The following GSE1 variants were observed in gnomAD, a reference collection of about 807,000 sequenced individuals.
GSE1 encodes genetic suppressor element 1.
GSE1 carries 32 observed loss-of-function variants against 112.6 expected under a neutral mutation model. That is an observed-to-expected ratio of 0.28 (90% CI 0.21 to 0.38). The LOEUF is 0.38. GSE1 is among the 10% of genes least tolerant of loss of function. GSE1 has a pLI of 1.00. For missense variants in GSE1, 2,348 were observed against 1,699.2 expected (o/e 1.38, Z -6.71); for synonymous variants, 1,115 against 735.6 (o/e 1.52, Z -8.35).
intron 2 of GSE1, among the ~76,000 whole-genome samples, chr16:85,370,616 TC>T (rs2047275930): frequency 4.0e-4 from 2 of 4,962 alleles, no homozygotes. Context: ...TCCCTCCTTC[TC>T]TCCCTCCCTC....
intron 1 of GSE1, among the ~76,000 whole-genome samples, chr16:85,192,936 C>G (rs915771989): frequency 5.3e-5 from 8 of 152,216 alleles, no homozygotes; most frequent in African/African-American, 1.9e-4. Flanking sequence ...GTTCTGCTGG[C>G]TGTGTGCCTG....
chr16:85,458,595 G>C (rs1202447295), intron 2 of GSE1, among the ~76,000 whole-genome samples: 1 of 152,230 alleles, frequency 6.6e-6, no homozygotes, highest in Non-Finnish European at 1.5e-5. Context: ...ACTGGCCAGT[G>C]GCAGGGGCTT....
rs1384758080 is a variant in GSE1 at position 85,357,742 on chromosome 16, G to A, written c.2464+99G>A. 3.3e-5 allele frequency: 24 copies of A among 723,302 alleles called. No individual in the cohort carries two copies. In the East Asian group the frequency reaches 4.2e-4, roughly 13 times the overall value. The allele number at this position is 723,302 out of a possible 1,614,324, so 44.8% of individuals were successfully genotyped here. ...CAGAGCCGAGTTCAGATACAGTTCCGCCTTGTGTCCTCGGCATCCTAGGGG... is the reference window on the plus strand; with the variant it reads ...CAGAGCCGAGTTCAGATACAGTTCCACCTTGTGTCCTCGGCATCCTAGGGG... On this transcript the variant is annotated intron_variant, in intron 2 of 2. Transcript: ENST00000637419.
chr16:85,410,362 G>A (rs1199984274), intron 2 of GSE1, among the ~76,000 whole-genome samples: 1 of 39,616 alleles, frequency 2.5e-5, no homozygotes, highest in Non-Finnish European at 4.4e-5. Context: ...TACACTCAGG[G>A]CCCCCCGGAT....
chr16:85,252,140 T>C (rs1343025006), intron 1 of GSE1, among the ~76,000 whole-genome samples: 2 of 152,198 alleles, frequency 1.3e-5, no homozygotes, highest in Non-Finnish European at 2.9e-5. Context: ...ATGACGGAGC[T>C]TCGTACTGAG....
chr16:85,480,443 T>G (rs1295885218), intron 2 of GSE1, among the ~76,000 whole-genome samples: 1 of 152,046 alleles, frequency 6.6e-6, no homozygotes, highest in East Asian at 1.9e-4. Flanking sequence ...CCTGGTGAGC[T>G]CTGCCGCCAC....
rs571532751 is a variant in GSE1 at position 85,358,129 on chromosome 16, A to T, written c.2464+486A>T. ...CCTCCCCCTCCCACTCCCGCCAGCC[A>T]CAGGCGTGCTGTGGACCACACCCCC... On this transcript the variant is annotated intron_variant, in intron 2 of 2. Transcript: ENST00000637419. Among the ~76,000 whole-genome samples, 5 of 152,180 alleles carry T rather than the reference A, an allele frequency of 3.3e-5. No homozygotes were observed. In the East Asian group the frequency reaches 7.8e-4, roughly 24 times the overall value.
At chr16:85,309,138 A>C (rs984658487) in intron 1 of GSE1, among the ~76,000 whole-genome samples, 1 of 151,760 alleles carries the variant, frequency 6.6e-6, no homozygotes, top group Middle Eastern at 3.2e-3. Flanking sequence ...CTCTCGACCC[A>C]GGCCGCCCAC....
chr16:85,661,585 C>T lies in GSE1; in HGVS notation c.2080C>T (p.Pro694Ser), dbSNP rs1404994077. Residue 694 changes from proline (P) to serine (S), a missense_variant, in exon 9 of 16, where the codon CCA (proline) becomes TCA (serine). By Grantham distance (74) the Pro-to-Ser change is moderately conservative (BLOSUM62 -1). Coordinates refer to ENST00000253458, the MANE Select transcript of GSE1 (RefSeq NM_014615.5). ...TILGQQRASL[P>S]QAATFGELSG... ...CCTGGGCCAGCAGCGGGCCTCCCTC[C>T]CACAGGCGGCCACCTTCGGGGAGCT... 4 of 1,609,914 alleles carry T rather than the reference C, an allele frequency of 2.5e-6. No individual in the cohort carries two copies. The highest frequency in any genetic ancestry group is 2.2e-5 in the East Asian group (1 of 44,788).
chr16:85,325,196 T>C (rs1364040897), intron 1 of GSE1, among the ~76,000 whole-genome samples: 1 of 152,054 alleles, frequency 6.6e-6, no homozygotes, highest in Non-Finnish European at 1.5e-5. Context: ...CTCGAACTGC[T>C]AGCCCCAAGT....
chr16:85,425,467 G>A (rs915973418), intron 2 of GSE1, among the ~76,000 whole-genome samples: 2 of 152,176 alleles, frequency 1.3e-5, no homozygotes, highest in Non-Finnish European at 2.9e-5. Context: ...AAGGGAAGTC[G>A]CCCGTGATGC....
chr16:85,228,691 C>A (rs773501390), intron 1 of GSE1, among the ~76,000 whole-genome samples: 1 of 152,288 alleles, frequency 6.6e-6, no homozygotes, highest in East Asian at 1.9e-4. Context: ...GGGTCACAGG[C>A]ACAGACGGGC....
intron 6 of GSE1, 29 bp downstream of exon 6, chr16:85,655,946 T>C (rs780820236): frequency 1.3e-6 from 2 of 1,565,080 alleles, no homozygotes; most frequent in East Asian, 2.2e-5. Context: ...GAGGAGCCCC[T>C]CTGCCCTCCC....
chr16:85,169,639 C>G, exon 1 of GSE1: 1 of 983,648 alleles, frequency 1.0e-6, no homozygotes, highest in Non-Finnish European at 1.2e-6. Flanking sequence ...CGGCATCGGG[C>G]GCGGCAAGGA....
rs78493238 is a variant in GSE1 at position 85,218,370 on chromosome 16, T to A, written c.2283+46563T>A. Among the ~76,000 whole-genome samples the A allele has an allele frequency of 1.4e-4, 22 of 152,272 alleles. No homozygotes were observed. In the East Asian group the frequency reaches 4.2e-3, roughly 29 times the overall value. On this transcript the variant is annotated intron_variant, in intron 1 of 2. Coordinates refer to the GSE1 transcript ENST00000637419. The stretch of plus-strand genomic sequence containing the variant: ...ACCTTCCTGAGTCTTCATGGCCTCA[T>A]CTCTAGAACACAGTGCATATTCTCA...
chr16:85,388,743 G>A (rs557885525), intron 2 of GSE1, among the ~76,000 whole-genome samples: 19 of 152,262 alleles, frequency 1.2e-4, no homozygotes, highest in African/African-American at 4.6e-4. Context: ...TGGAAGGAAG[G>A]AAGGAAAGAT....
chr16:85,671,333 G>T (rs953957057), intron 15 of GSE1, among the ~76,000 whole-genome samples: 1 of 150,836 alleles, frequency 6.6e-6, no homozygotes, highest in Non-Finnish European at 1.5e-5. Context: ...CCAGCTACTT[G>T]GGAGGCTGAG....
At chr16:85,555,914 T>A, upstream of GSE1, 3 of 936,626 alleles carry the variant, frequency 3.2e-6, no homozygotes, top group Non-Finnish European at 3.8e-6. Context: ...TTTCTCTCGC[T>A]CCTCTTCCCC....
intron 1 of GSE1, chr16:85,583,622 C>T (rs1200695069): frequency 6.6e-6 from 1 of 152,180 alleles, no homozygotes; most frequent in Non-Finnish European, 1.5e-5. Context: ...CTGTGCTCTC[C>T]CAGCATGCCA....
Sources: gnomAD v4.1 joint callset for allele counts (sites outside exome capture counted in the v4.1 genomes callset) on GRCh38, gnomAD v4.1.1 for gene constraint, MANE v1.5 for transcripts, NCBI Gene and HGNC (gene_info 2026-07-23, HGNC 2026-07-21) for gene names.